The following ADCY5 variants were observed in gnomAD, a reference collection of about 807,000 sequenced individuals.
The protein encoded by ADCY5 is adenylate cyclase type 5.
ADCY5 carries 30 observed loss-of-function variants against 119.7 expected under a neutral mutation model. The ratio of observed to expected loss-of-function variants is 0.25; its 90% CI spans 0.19 to 0.34. The LOEUF is 0.34. Among genes scored for constraint, ADCY5 ranks in the 10% least tolerant of loss-of-function variants. The pLI is 1.00. For missense variants in ADCY5, 1,324 were observed against 1,775.2 expected, an observed-to-expected ratio of 0.75 and a Z score of 4.57; for synonymous variants, 753 against 762.2, an observed-to-expected ratio of 0.99 and a Z score of 0.20.
At chr3:123,433,544 A>G (rs1469484187) in intron 1 of ADCY5, among the ~76,000 whole-genome samples, 2 of 152,264 alleles carry the variant, frequency 1.3e-5, no homozygotes, top group African/African-American at 4.8e-5. Flanking sequence ...GAAGAGCGAC[A>G]GGAACAAAAG....
intron 5 of ADCY5, 80 bp downstream of exon 5, chr3:123,330,809 G>A: frequency 6.8e-7 from 1 of 1,479,610 alleles, no homozygotes; most frequent in South Asian, 1.4e-5. Context: ...CCTCCAACTA[G>A]GCAGCCGGCA....
At position 123,358,195 on chromosome 3, in the gene ADCY5, T is replaced by TGTGTGTGTATGTGTGTGTGA. The variant is rs58986112; in HGVS notation, c.1135-5615_1135-5614insTCACACACACATACACACAC. ...GTGTGTGTGTGTGTGTGTGTGTGTG[T>TGTGTGTGTATGTGTGTGTGA]AGGGAGTTGGTGGTATGGCGGAGCA... is the stretch of plus-strand genomic sequence containing the variant. On this transcript the variant is annotated intron_variant, in intron 1 of 20. Transcript: ENST00000462833. 1.5e-3 allele frequency among the ~76,000 whole-genome samples: 224 copies of TGTGTGTGTATGTGTGTGTGA among 149,192 alleles called. 1 individual carries two copies. Among genetic ancestry groups the TGTGTGTGTATGTGTGTGTGA allele is most frequent in the African/African-American group, 5.1e-3 (205 of 40,038 alleles).
intron 1 of ADCY5, among the ~76,000 whole-genome samples, chr3:123,370,905 A>G (rs1204507891): frequency 6.6e-6 from 1 of 152,118 alleles, no homozygotes; most frequent in East Asian, 1.9e-4. Flanking sequence ...AGGGCACACA[A>G]AGCCAAGGGA....
intron 1 of ADCY5, among the ~76,000 whole-genome samples, chr3:123,407,817 A>G (rs1944939834): frequency 6.6e-6 from 1 of 150,514 alleles, no homozygotes; most frequent in African/African-American, 2.4e-5. Context: ...AAAGATACAT[A>G]TTGTTATGAT....
chr3:123,420,111 C>G (rs549107304), intron 1 of ADCY5: 1 of 152,252 alleles, frequency 6.6e-6, no homozygotes, highest in Non-Finnish European at 1.5e-5. Context: ...AGGTGCGCTG[C>G]GGAGGGCCTT....
At chr3:123,426,507 G>T (rs1255487154) in intron 1 of ADCY5, among the ~76,000 whole-genome samples, 1 of 151,758 alleles carries the variant, frequency 6.6e-6, no homozygotes, top group Non-Finnish European at 1.5e-5. Context: ...TTAATTTTTA[G>T]TAGAGACACG....
At chr3:123,338,200 G>A (rs1942111391) in intron 3 of ADCY5, among the ~76,000 whole-genome samples, 1 of 152,212 alleles carries the variant, frequency 6.6e-6, no homozygotes, top group Non-Finnish European at 1.5e-5. Flanking sequence ...CCAGGGAGGG[G>A]CAGGTCACCA....
At chr3:123,335,466 A>T (rs1941975778) in intron 3 of ADCY5, among the ~76,000 whole-genome samples, 1 of 152,210 alleles carries the variant, frequency 6.6e-6, no homozygotes, top group South Asian at 2.1e-4. Flanking sequence ...GGAAATGAGG[A>T]CACAGAAAAG....
At chr3:123,374,208 C>T (rs1943744925) in intron 1 of ADCY5, among the ~76,000 whole-genome samples, 1 of 152,006 alleles carries the variant, frequency 6.6e-6, no homozygotes, top group African/African-American at 2.4e-5. Flanking sequence ...TGAATGAAAA[C>T]AACAGTCCTC....
intron 1 of ADCY5, among the ~76,000 whole-genome samples, chr3:123,386,521 G>A (rs1559853753): frequency 6.6e-6 from 1 of 152,280 alleles, no homozygotes; most frequent in East Asian, 1.9e-4. Context: ...GTCTCGTTAT[G>A]CCTATTGTCT....
intron 3 of ADCY5, among the ~76,000 whole-genome samples, chr3:123,344,578 A>G (rs922948314): frequency 2.6e-5 from 4 of 152,182 alleles, no homozygotes; most frequent in African/African-American, 9.7e-5. Flanking sequence ...TCCTGGTCAC[A>G]TGGCCAGGAA....
At chr3:123,416,256 C>G (rs2107631497) in intron 1 of ADCY5, 1 of 1,536,172 alleles carries the variant, frequency 6.5e-7, no homozygotes, top group East Asian at 2.4e-5. Context: ...AGCCCTCTTT[C>G]TGAGACTTCA....
At chr3:123,318,209 A>AG in intron 10 of ADCY5, 92 bp from the exon 11 acceptor site, 4 of 929,328 alleles carry the variant, frequency 4.3e-6, no homozygotes, top group Non-Finnish European at 6.8e-6. Context: ...GAAGCCACTC[A>AG]TGGCTGGTCA....
Position 123,318,003 on chromosome 3 carries a change from G to A in ADCY5, c.2354+17C>T, listed in dbSNP as rs1941013142. The A allele has an allele frequency of 1.2e-6, 2 of 1,607,972 alleles. No individual in the cohort carries two copies. The highest frequency in any genetic ancestry group is 1.7e-6 in the Non-Finnish European group (2 of 1,175,054). On this transcript the variant is annotated intron_variant, in intron 11 of 20. Coordinates refer to ENST00000462833, the MANE Select transcript of ADCY5 (RefSeq NM_183357.3). ...TGCAGCCAGAGGAAGGAGCCCAAGA[G>A]GGACGGGGATACTCACTGGGGCACG...
Position 123,345,769 on chromosome 3 carries a change from G to GACAGACACACACACAC in ADCY5, c.1406+2012_1406+2013insGTGTGTGTGTGTCTGT, listed in dbSNP as rs57198270. 4.5e-3 allele frequency among the ~76,000 whole-genome samples: 508 copies of GACAGACACACACACAC among 113,814 alleles called. 9 individuals carry two copies. The highest frequency in any genetic ancestry group is 0.031 in the South Asian group (92 of 2,924). 74.7% of individuals were successfully genotyped at this position (113,814 alleles called of 152,430 possible). On this transcript the variant is annotated intron_variant, in intron 3 of 20. Transcript: ENST00000462833. ...AGACAGACAGACAGACAGACAGACA[G>GACAGACACACACACAC]ACACACACACACACACACACACACA...
rs1471483536 is a variant in ADCY5, at chr3:123,403,377, T to A, written c.1134+44035A>T. On this transcript the variant is annotated intron_variant, in intron 1 of 20. Transcript: ENST00000462833. ...GCCTAGGCAACAGAGCGAGACCCTG[T>A]CTCAAAAAAAAAAAAAAAAAAAAAA... Among the ~76,000 whole-genome samples the A allele has an allele frequency of 4.8e-5, 6 of 124,904 alleles. No homozygotes were observed. The East Asian group carries it at 1.3e-3, about 27-fold the overall frequency. The allele number at this position is 124,904 out of a possible 152,430, so 81.9% of individuals were successfully genotyped here.
chr3:123,421,062 C>T (rs1945293898), intron 1 of ADCY5, among the ~76,000 whole-genome samples: 2 of 152,204 alleles, frequency 1.3e-5, no homozygotes, highest in African/African-American at 4.8e-5. Flanking sequence ...GACATCTTAA[C>T]ATTGTCATTT....
intron 1 of ADCY5, among the ~76,000 whole-genome samples, chr3:123,430,956 T>TA (rs1164748758): frequency 6.6e-6 from 1 of 152,144 alleles, no homozygotes; most frequent in Non-Finnish European, 1.5e-5. Flanking sequence ...CCTCTGAGGG[T>TA]ACAAGCCCCA....
At chr3:123,295,815 T>C (rs918212018) in intron 17 of ADCY5, among the ~76,000 whole-genome samples, 1 of 152,212 alleles carries the variant, frequency 6.6e-6, no homozygotes, top group Non-Finnish European at 1.5e-5. Flanking sequence ...CTTCAAAGCA[T>C]GCCTCCTGGA....
Sources: gnomAD v4.1 joint callset for allele counts (sites outside exome capture counted in the v4.1 genomes callset) on GRCh38, gnomAD v4.1.1 for gene constraint, MANE v1.5 for transcripts, NCBI Gene and HGNC (gene_info 2026-07-23, HGNC 2026-07-21) for gene names.